The following APOBEC3F variants were observed in gnomAD, a reference collection of about 807,000 sequenced individuals.
The protein encoded by APOBEC3F is DNA dC->dU-editing enzyme APOBEC-3F.
APOBEC3F carries 34 observed loss-of-function variants against 45.8 expected under a neutral mutation model. The ratio of observed to expected loss-of-function variants is 0.74; its 90% CI spans 0.57 to 0.99. The LOEUF is 0.99. APOBEC3F is among the 50% of genes least tolerant of loss of function. APOBEC3F has a pLI of 0.00. For synonymous variants in APOBEC3F, 192 were observed against 174.4 expected (o/e 1.10, Z -0.80); for missense variants, 459 against 474.1 (o/e 0.97, Z 0.30).
At chr22:39,049,722 C>CA in intron 5 of APOBEC3F, 141 bp downstream of exon 5, 1 of 987,218 alleles carries the variant, frequency 1.0e-6, no homozygotes, top group South Asian at 1.7e-5. Flanking sequence ...TTTTTTGAGA[C>CA]AGAGTCTCAC....
At position 39,045,501 on chromosome 22, in the gene APOBEC3F, C is replaced by G. The variant is rs527685670; in HGVS notation, c.525C>G (p.Asp175Glu). Residue 175 changes from aspartate (D) to glutamate (E), a missense_variant, in exon 4 of 7, where the codon GAC becomes GAG. Coordinates refer to ENST00000308521, the MANE Select transcript of APOBEC3F (RefSeq NM_145298.6). Reference protein sequence around the residue: ...QPFMPWYKFDDNYAFLHRTLK... With the variant: ...QPFMPWYKFDENYAFLHRTLK... The stretch of plus-strand genomic sequence containing the variant: ...TCATGCCTTGGTACAAATTCGATGA[C>G]AATTATGCATTCCTGCACCGCACGC... 6.2e-7 allele frequency: 1 copy of G among 1,614,166 alleles called. No homozygotes were observed. Among genetic ancestry groups the G allele is most frequent in the South Asian group, 1.1e-5 (1 of 91,082 alleles).
intron 2 of APOBEC3F, among the ~76,000 whole-genome samples, chr22:39,043,303 T>G (rs1232688836): frequency 2.0e-5 from 3 of 150,288 alleles, no homozygotes; most frequent in Non-Finnish European, 3.0e-5. Context: ...CTTGTGTTTT[T>G]TTTTTTTTTT....
chr22:39,043,653 CAACATTAATT>C (rs1438032642), intron 2 of APOBEC3F, among the ~76,000 whole-genome samples: 2 of 151,654 alleles, frequency 1.3e-5, no homozygotes, highest in Non-Finnish European at 2.9e-5. Flanking sequence ...CATATTACTT[CAACATTAATT>C]AACATAAAAT....
chr22:39,041,025 G>A, intron 1 of APOBEC3F, 48 bp downstream of exon 1: 1 of 1,568,766 alleles, frequency 6.4e-7, no homozygotes, highest in Non-Finnish European at 8.6e-7. Flanking sequence ...GCCCCTTCCT[G>A]CCTGGTGGCT....
rs1171572072 is a variant in APOBEC3F, at chr22:39,054,622, C to T, written c.*1927C>T. On this transcript the variant is annotated 3_prime_UTR_variant, in exon 7 of 7. Transcript: ENST00000308521. Reference sequence around the variant, plus strand: ...CTGGTGTGAGCCACAGCGCCTAGCCCATTTCTCCTTTTAATAGGACCTGTT... The same window carrying T: ...CTGGTGTGAGCCACAGCGCCTAGCCTATTTCTCCTTTTAATAGGACCTGTT... Among the ~76,000 whole-genome samples the T allele has an allele frequency of 2.0e-5, 3 of 152,188 alleles. No homozygotes were observed. The East Asian group carries it at 5.8e-4, about 29-fold the overall frequency.
At chr22:39,050,550 C>G (rs2413568) in intron 5 of APOBEC3F, among the ~76,000 whole-genome samples, 1 of 149,432 alleles carries the variant, frequency 6.7e-6, no homozygotes, top group Non-Finnish European at 1.5e-5. Flanking sequence ...AAAAAGGCGA[C>G]AAGAACTTGT....
chr22:39,044,191 G>A (rs374680667), intron 2 of APOBEC3F: 26 of 1,609,310 alleles, frequency 1.6e-5, no homozygotes, highest in South Asian at 1.6e-4. Flanking sequence ...CCAGCTGACC[G>A]CAGGCAGGGA....
In APOBEC3F at chr22:39,052,852, CCTCTCCGCT is replaced by C. The variant is rs1329130351; in HGVS notation, c.*161_*169del. Reference sequence around the variant, plus strand: ...ATAGTGCTCCCCTGCCTCACCACCTCCTCTCCGCTCTCCCAGGCTCTTCCTGCAGAGGCC... The same window carrying C: ...ATAGTGCTCCCCTGCCTCACCACCTCCTCCCAGGCTCTTCCTGCAGAGGCC... On this transcript the variant is annotated 3_prime_UTR_variant, in exon 7 of 7. Transcript: ENST00000308521. 2 of 1,439,634 alleles carry C rather than the reference CCTCTCCGCT, an allele frequency of 1.4e-6. No individual in the cohort carries two copies. Among genetic ancestry groups the C allele is most frequent in the Non-Finnish European group, 1.8e-6 (2 of 1,101,220 alleles). The allele number at this position is 1,439,634 out of a possible 1,614,324, so 89.2% of individuals were successfully genotyped here.
chr22:39,051,497 A>G (rs1420304775), intron 5 of APOBEC3F, among the ~76,000 whole-genome samples: 2 of 150,944 alleles, frequency 1.3e-5, no homozygotes, highest in Non-Finnish European at 3.0e-5. Context: ...AGATCGCGCC[A>G]CTGCACTACA....
chr22:39,052,325 G>T lies in APOBEC3F; in HGVS notation c.975G>T (p.Gly325=). ...GGCTCCGCAGCCTGAGTCAGGAAGG[G>T]GCCTCCGTGGAGATCATGGGCTACA... ...QEGLRSLSQE[G]ASVEIMGYKD... The change falls in exon 6 of 7, where the codon GGG becomes GGT. Residue 325 remains glycine (G), a synonymous_variant. Coordinates refer to ENST00000308521, the MANE Select transcript of APOBEC3F (RefSeq NM_145298.6). The T allele has an allele frequency of 1.2e-6, 2 of 1,614,216 alleles. No individual in the cohort carries two copies. Among genetic ancestry groups the T allele is most frequent in the East Asian group, 2.2e-5 (1 of 44,880 alleles).
Position 39,052,681 on chromosome 22 carries a change from G to A in APOBEC3F, c.1108G>A (p.Glu370Lys), listed in dbSNP as rs1927558017. 6.2e-7 allele frequency: 1 copy of A among 1,613,336 alleles called. No homozygotes were observed. The highest frequency in any genetic ancestry group is 8.5e-7 in the Non-Finnish European group (1 of 1,179,588). Residue 370 changes from glutamate (E) to lysine (K), a missense_variant, in exon 7 of 7, where the codon GAG becomes AAG. Glu to Lys is a moderately conservative substitution (Grantham distance 56). Coordinates refer to ENST00000308521, the MANE Select transcript of APOBEC3F (RefSeq NM_145298.6). ...TCTATTCCTGGACAGCAAGCTGCAG[G>A]AGATTCTCGAGTGAGGGGTCTCCCC... is the stretch of plus-strand genomic sequence containing the variant. ...NFLFLDSKLQEILE is the reference protein window; with the variant it reads ...NFLFLDSKLQKILE
At chr22:39,046,443 A>T (rs1429140777) in intron 4 of APOBEC3F, among the ~76,000 whole-genome samples, 2 of 151,956 alleles carry the variant, frequency 1.3e-5, no homozygotes, top group African/African-American at 4.8e-5. Flanking sequence ...TGACTCTCAC[A>T]GCCCCTCCCT....
intron 1 of APOBEC3F, among the ~76,000 whole-genome samples, chr22:39,042,563 C>T (rs1325630384): frequency 2.6e-5 from 4 of 152,138 alleles, no homozygotes; most frequent in African/African-American, 9.7e-5. Context: ...GGGCCTACCT[C>T]GGCCTCCCAA....
At chr22:39,045,319 G>T in intron 3 of APOBEC3F, 99 bp downstream of exon 3, 1 of 1,600,188 alleles carries the variant, frequency 6.2e-7, no homozygotes. Flanking sequence ...AGGGCAGCCT[G>T]CAGGGGCGGG....
intron 4 of APOBEC3F, 146 bp from the exon 5 acceptor site, chr22:39,049,279 T>C (rs1927367081): frequency 2.0e-6 from 2 of 1,016,484 alleles, no homozygotes; most frequent in South Asian, 1.7e-5. Context: ...CCTGCCAGCA[T>C]CCCCTCCTCT....
intron 1 of APOBEC3F, among the ~76,000 whole-genome samples, chr22:39,042,246 C>A (rs1010583419): frequency 3.3e-5 from 5 of 151,794 alleles, no homozygotes; most frequent in African/African-American, 1.2e-4. Flanking sequence ...GGTGAAATGT[C>A]AGAAGGAACT....
rs769325175 is a variant in APOBEC3F, at chr22:39,052,699, G to A, written c.*4G>A. The A allele has an allele frequency of 6.2e-7, 1 of 1,610,028 alleles. No homozygotes were observed. Among genetic ancestry groups the A allele is most frequent in the South Asian group, 1.1e-5 (1 of 90,692 alleles). ...GCTGCAGGAGATTCTCGAGTGAGGG[G>A]TCTCCCCGGGCCTCATGGTCTGTCT... is the stretch of plus-strand genomic sequence containing the variant. On this transcript the variant is annotated 3_prime_UTR_variant, in exon 7 of 7. Coordinates refer to ENST00000308521, the MANE Select transcript of APOBEC3F (RefSeq NM_145298.6).
chr22:39,054,071 G>C lies in APOBEC3F; in HGVS notation c.*1376G>C, dbSNP rs1360652099. 6.6e-6 allele frequency among the ~76,000 whole-genome samples: 1 copy of C among 151,756 alleles called. No individual in the cohort carries two copies. The highest frequency in any genetic ancestry group is 1.5e-5 in the Non-Finnish European group (1 of 67,962). On this transcript the variant is annotated 3_prime_UTR_variant, in exon 7 of 7. Coordinates refer to ENST00000308521, the MANE Select transcript of APOBEC3F (RefSeq NM_145298.6). ...CCTGTCACCCAGGCTGGAGTGCAATGGTGCGGTCTCGGCTCACTGCAACCT... is the reference window on the plus strand; with the variant it reads ...CCTGTCACCCAGGCTGGAGTGCAATCGTGCGGTCTCGGCTCACTGCAACCT...
At chr22:39,051,833 A>G (rs35281599) in intron 5 of APOBEC3F, among the ~76,000 whole-genome samples, 28 of 152,312 alleles carry the variant, frequency 1.8e-4, no homozygotes, top group African/African-American at 6.7e-4. Flanking sequence ...ACGCACCTGC[A>G]GTCCCAGCTA....
Sources: gnomAD v4.1 joint callset for allele counts (sites outside exome capture counted in the v4.1 genomes callset) on GRCh38, gnomAD v4.1.1 for gene constraint, MANE v1.5 for transcripts, NCBI Gene and HGNC (gene_info 2026-07-23, HGNC 2026-07-21) for gene names.